IFNAR2: variants seen among roughly 807,000 people sequenced by gnomAD.
IFNAR2 encodes the protein interferon alpha/beta receptor 2.
Under a neutral mutation model 49.4 loss-of-function variants are expected in IFNAR2, and 30 were observed. The ratio of observed to expected loss-of-function variants is 0.61; its 90% CI spans 0.45 to 0.82. The LOEUF (loss-of-function observed/expected upper bound fraction) is 0.82, where lower values mean the gene tolerates loss of function less well. IFNAR2 is among the 40% of genes least tolerant of loss of function. The pLI, the probability that IFNAR2 is intolerant of heterozygous loss-of-function variation, is 0.00. For missense variants in IFNAR2, 600 were observed against 622.7 expected, an observed-to-expected ratio of 0.96 and a Z score of 0.39; for synonymous variants, 224 against 234.5, an observed-to-expected ratio of 0.96 and a Z score of 0.41.
Position 33,263,493 on chromosome 21 carries a change from T to C in IFNAR2, c.1541T>C (p.Met514Thr). The C allele has an allele frequency of 6.2e-7, 1 of 1,606,412 alleles. No homozygotes were observed. The highest frequency in any genetic ancestry group is 8.5e-7 in the Non-Finnish European group (1 of 1,176,132). The change falls in exon 9 of 9, where the codon ATG becomes ACG. Residue 514 changes from methionine to threonine, a missense_variant. By Grantham distance (81) the Met-to-Thr change is moderately conservative. Coordinates refer to ENST00000342136, the MANE Select transcript of IFNAR2 (RefSeq NM_001289125.3). Reference sequence around the variant, plus strand: ...GTTGACCTTGGGGATGGTTATATAATGAGATGACTCCAAAACTATTGAATG... The same window carrying C: ...GTTGACCTTGGGGATGGTTATATAACGAGATGACTCCAAAACTATTGAATG... ...SDVDLGDGYI[M>T]R
intron 7 of IFNAR2, among the ~76,000 whole-genome samples, chr21:33,254,370 C>T (rs2123509157): frequency 6.6e-6 from 1 of 152,208 alleles, no homozygotes; most frequent in South Asian, 2.1e-4. Context: ...GATAGCAGGC[C>T]CTAAAAGAAA....
chr21:33,263,441 G>T lies in IFNAR2; in HGVS notation c.1489G>T (p.Asp497Tyr). Reference protein sequence around the residue: ...EGLWSEDAPSDQSDTSESDVD... With the variant: ...EGLWSEDAPSYQSDTSESDVD... The stretch of plus-strand genomic sequence containing the variant: ...CCTGTGGTCCGAAGATGCTCCATCT[G>T]ATCAAAGTGACACTTCTGAGTCAGA... Residue 497 changes from aspartate to tyrosine, a missense_variant, in exon 9 of 9, where the codon GAT becomes TAT. Transcript: ENST00000342136. 1 of 1,613,884 alleles carries T rather than the reference G, an allele frequency of 6.2e-7. No individual in the cohort carries two copies. Among genetic ancestry groups the T allele is most frequent in the South Asian group, 1.1e-5 (1 of 91,074 alleles).
At chr21:33,256,042 CAAT>C (rs1261790236) in intron 7 of IFNAR2, among the ~76,000 whole-genome samples, 2 of 152,140 alleles carry the variant, frequency 1.3e-5, no homozygotes, top group African/African-American at 4.8e-5. Flanking sequence ...CTCTTATAGA[CAAT>C]AAAAACTGAA....
At chr21:33,241,212 C>T (rs937351256) in intron 1 of IFNAR2, among the ~76,000 whole-genome samples, 4 of 152,144 alleles carry the variant, frequency 2.6e-5, no homozygotes, top group Non-Finnish European at 5.9e-5. Flanking sequence ...AAGCGTGTAT[C>T]CTAATTTGAA....
intron 8 of IFNAR2, among the ~76,000 whole-genome samples, chr21:33,261,011 TC>T (rs1787995535): frequency 3.4e-5 from 5 of 149,172 alleles, no homozygotes; most frequent in Non-Finnish European, 7.4e-5. Context: ...TATCTGTGCA[TC>T]TGTGCATTTT....
At chr21:33,241,783 A>G (rs1253034061) in intron 1 of IFNAR2, 57 bp from the exon 2 acceptor site, 2 of 1,275,970 alleles carry the variant, frequency 1.6e-6, no homozygotes, top group Non-Finnish European at 2.1e-6. Context: ...TAGGAATTTT[A>G]CTATTCCTTA....
At chr21:33,233,473 C>T (rs2248420) in intron 1 of IFNAR2, among the ~76,000 whole-genome samples, 42,524 of 151,952 alleles carry the variant, frequency 0.28, 6,693 homozygotes, top group East Asian at 0.58. Context: ...TGTGGGAATA[C>T]GGAAGCACTA....
chr21:33,235,938 TAAAATAA>T (rs1436355545), intron 1 of IFNAR2, among the ~76,000 whole-genome samples: 2 of 151,648 alleles, frequency 1.3e-5, no homozygotes, highest in Non-Finnish European at 2.9e-5. Context: ...AAAAATAAAA[TAAAATAA>T]AAAATAAAAA....
At chr21:33,234,370 GA>G (rs1285869082) in intron 1 of IFNAR2, among the ~76,000 whole-genome samples, 5 of 152,090 alleles carry the variant, frequency 3.3e-5, no homozygotes, top group Non-Finnish European at 7.4e-5. Flanking sequence ...TGGATGGTAG[GA>G]ATAAGGATGA....
At chr21:33,258,125 T>C (rs1313068237) in intron 7 of IFNAR2, among the ~76,000 whole-genome samples, 1 of 152,044 alleles carries the variant, frequency 6.6e-6, no homozygotes, top group Non-Finnish European at 1.5e-5. Flanking sequence ...GCCAACGTGG[T>C]AAAACCCCAT....
chr21:33,262,908 A>G lies in IFNAR2; in HGVS notation c.956A>G (p.Asp319Gly), dbSNP rs112025774. ...RKKKVWDYNY[D>G]DESDSDTEAA... ...AAGAAAGTGTGGGATTATAATTATG[A>G]TGATGAAAGTGATAGCGATACTGAG... Residue 319 changes from aspartate to glycine, a missense_variant, in exon 9 of 9, where the codon GAT becomes GGT. Asp to Gly is a moderately conservative substitution (Grantham distance 94, BLOSUM62 -1). Coordinates refer to ENST00000342136, the MANE Select transcript of IFNAR2 (RefSeq NM_001289125.3). The G allele has an allele frequency of 1.9e-6, 3 of 1,614,002 alleles. No homozygotes were observed. Among genetic ancestry groups the G allele is most frequent in the African/African-American group, 2.7e-5 (2 of 74,886 alleles).
Position 33,252,667 on chromosome 21 carries a change from A to C in IFNAR2, c.546A>C (p.Lys182Asn). ...TTTTTTGCTTATGTTTACAGCATAA[A>C]CCCGAAATAAAAGGAAACATGAGTG... ...EQSEGIVKKH[K>N]PEIKGNMSGN... Residue 182 changes from lysine (K) to asparagine (N), a missense_variant, in exon 7 of 9, where the codon AAA becomes AAC. Lys to Asn is a moderately conservative substitution (Grantham distance 94, BLOSUM62 0). Transcript: ENST00000342136. The C allele has an allele frequency of 1.2e-6, 2 of 1,613,250 alleles. No individual in the cohort carries two copies. Among genetic ancestry groups the C allele is most frequent in the Non-Finnish European group, 1.7e-6 (2 of 1,179,722 alleles).
At chr21:33,252,568 C>A (rs1987929712) in intron 6 of IFNAR2, 94 bp from the exon 7 acceptor site, 1 of 1,491,216 alleles carries the variant, frequency 6.7e-7, no homozygotes, top group Non-Finnish European at 8.9e-7. Flanking sequence ...TAAATCTAAC[C>A]CTGTTTGAGA....
chr21:33,233,956 C>T (rs1986249049), intron 1 of IFNAR2, among the ~76,000 whole-genome samples: 3 of 150,502 alleles, frequency 2.0e-5, no homozygotes, highest in Admixed American at 1.3e-4. Context: ...CATGAGAATA[C>T]CAATATTCTC....
At chr21:33,237,557 C>T (rs1325041704) in intron 1 of IFNAR2, among the ~76,000 whole-genome samples, 1 of 152,076 alleles carries the variant, frequency 6.6e-6, no homozygotes, top group Non-Finnish European at 1.5e-5. Context: ...AGTTGCCCTT[C>T]TACAATCTGG....
chr21:33,230,019 C>A lies in IFNAR2; in HGVS notation c.-281C>A. 1.0e-6 allele frequency: 1 copy of A among 984,692 alleles called. No homozygotes were observed. Among genetic ancestry groups the A allele is most frequent in the Non-Finnish European group, 1.2e-6 (1 of 829,480 alleles). 61.0% of individuals were successfully genotyped at this position (984,692 alleles called of 1,614,324 possible). A position where few individuals can be genotyped will look rare whatever the true frequency, so the allele number is the denominator to read the frequency against. ...TCCCGGCGGGTAGGAATCCCGCCGG[C>A]GAGCCGAACAGTTCCCCGAGCGCAG... is the stretch of plus-strand genomic sequence containing the variant. On this transcript the variant is annotated 5_prime_UTR_variant, in exon 1 of 9. Coordinates refer to ENST00000342136, the MANE Select transcript of IFNAR2 (RefSeq NM_001289125.3). The surrounding 1 kb of genome is among the most constrained non-coding windows in gnomAD (Gnocchi z 5.5).
chr21:33,243,852 T>C (rs2834156), intron 3 of IFNAR2, 138 bp downstream of exon 3: 73,274 of 721,168 alleles, frequency 0.1, 4,357 homozygotes, highest in African/African-American at 0.19. Flanking sequence ...TCTTTCTCTG[T>C]AAAAGGAGCT....
At chr21:33,242,188 GA>G (rs1388974475) in intron 2 of IFNAR2, among the ~76,000 whole-genome samples, 3 of 152,142 alleles carry the variant, frequency 2.0e-5, no homozygotes, top group African/African-American at 7.2e-5. Flanking sequence ...TTAATTTTAG[GA>G]AAACAAATGA....
chr21:33,238,318 G>C (rs1052416355), intron 1 of IFNAR2, among the ~76,000 whole-genome samples: 2 of 150,808 alleles, frequency 1.3e-5, no homozygotes, highest in Non-Finnish European at 3.0e-5. Context: ...GACCTAAACT[G>C]TCATGGTAAA....
Sources: gnomAD v4.1 joint callset for allele counts (sites outside exome capture counted in the v4.1 genomes callset) on GRCh38, gnomAD v4.1.1 for gene constraint, Gnocchi (gnomAD v3.1) non-coding constraint, MANE v1.5 for transcripts, NCBI Gene and HGNC (gene_info 2026-07-23, HGNC 2026-07-21) for gene names.